The following ADCY10 variants were observed in gnomAD, a reference collection of about 807,000 sequenced individuals.
ADCY10 encodes adenylate cyclase 10, also known as adenylate cyclase type 10.
ADCY10 carries 156 observed loss-of-function variants against 183.3 expected under a neutral mutation model. The ratio of observed to expected loss-of-function variants is 0.85; its 90% CI spans 0.75 to 0.97. ADCY10 has a LOEUF of 0.97. Ranked by LOEUF, ADCY10 falls within the 50% of genes least tolerant of loss-of-function variation. The probability of loss-of-function intolerance (pLI) is 0.00; values close to 1 mark genes in which losing one functional copy is unlikely to be tolerated. For synonymous variants in ADCY10, 645 were observed against 670.0 expected (o/e 0.96, Z 0.58); for missense variants, 1,745 against 1,934.3 (o/e 0.90, Z 1.84).
intron 1 of ADCY10, among the ~76,000 whole-genome samples, chr1:167,907,999 T>C (rs979582664): frequency 1.1e-4 from 17 of 152,186 alleles, no homozygotes; most frequent in African/African-American, 3.9e-4. Context: ...TGGAAAATAA[T>C]ATGCAGGTTC....
intron 1 of ADCY10, among the ~76,000 whole-genome samples, chr1:167,908,186 A>C (rs1205558273): frequency 6.6e-6 from 1 of 152,246 alleles, no homozygotes; most frequent in African/African-American, 2.4e-5. Context: ...TAAAGAAAAC[A>C]TTGGATAATG....
intron 23 of ADCY10, among the ~76,000 whole-genome samples, chr1:167,834,901 A>G (rs2101911530): frequency 6.6e-6 from 1 of 152,348 alleles, no homozygotes; most frequent in East Asian, 1.9e-4. Context: ...GGGCTACCTA[A>G]GCCTCCTCCT....
intron 26 of ADCY10, among the ~76,000 whole-genome samples, chr1:167,826,324 A>C (rs951309212): frequency 2.0e-5 from 3 of 152,236 alleles, no homozygotes; most frequent in African/African-American, 7.2e-5. Flanking sequence ...CAACTGCTTC[A>C]CTTTACAGAG....
chr1:167,880,277 G>C (rs765729329), intron 10 of ADCY10, 86 bp from the exon 11 acceptor site: 168 of 1,276,838 alleles, frequency 1.3e-4, no homozygotes, highest in Middle Eastern at 1.9e-4. Context: ...ATAATGTCTG[G>C]GTTGGGAAAG....
chr1:167,870,505 T>C, intron 13 of ADCY10, 95 bp from the exon 14 acceptor site: 1 of 1,162,028 alleles, frequency 8.6e-7, no homozygotes, highest in Non-Finnish European at 1.2e-6. Context: ...TCTAAAAATA[T>C]CCTTGGGCCA....
chr1:167,826,390 G>A (rs939695187), intron 26 of ADCY10, among the ~76,000 whole-genome samples: 2 of 152,300 alleles, frequency 1.3e-5, no homozygotes, highest in Admixed American at 6.5e-5. Context: ...GCAGATAGGC[G>A]GAGTCCTGGA....
chr1:167,851,368 G>A lies in ADCY10; in HGVS notation c.2309-2879C>T, dbSNP rs559371369. Among the ~76,000 whole-genome samples the A allele has an allele frequency of 1.3e-4, 20 of 152,034 alleles. No individual in the cohort carries two copies. The South Asian group carries it at 3.9e-3, about 30-fold the overall frequency. The stretch of plus-strand genomic sequence containing the variant: ...CACCCGGCTAATTTTTGTATTTTTA[G>A]TAGAGATGGGGTTTTGTCATGTTGC... On this transcript the variant is annotated intron_variant, in intron 18 of 32. Transcript: ENST00000367851.
rs1664286611 is a variant in ADCY10 at position 167,837,300 on chromosome 1, A to G, written c.3026T>C (p.Leu1009Ser). Residue 1009 changes from leucine (L) to serine (S), a missense_variant, in exon 22 of 33, where the codon TTG (leucine) becomes TCG (serine). Coordinates refer to ENST00000367851, the MANE Select transcript of ADCY10 (RefSeq NM_018417.6). ...TGTCTCAGGAATCTCTGAGTTGGAC[A>G]AGATAAGCTTTTCTTCAGCTAGAAA... is the stretch of plus-strand genomic sequence containing the variant. Reference protein sequence around the residue: ...HGFKTEEKLILSNSEIPETSA... With the variant: ...HGFKTEEKLISSNSEIPETSA... 1.2e-6 allele frequency: 2 copies of G among 1,614,110 alleles called. No individual in the cohort carries two copies. Among genetic ancestry groups the G allele is most frequent in the Non-Finnish European group, 1.7e-6 (2 of 1,179,932 alleles).
intron 23 of ADCY10, among the ~76,000 whole-genome samples, chr1:167,835,440 C>T (rs1043699992): frequency 6.6e-6 from 1 of 152,212 alleles, no homozygotes; most frequent in Admixed American, 6.5e-5. Context: ...ATCAAATCCC[C>T]TCATTTCTAT....
At chr1:167,904,082 CTTTTT>C (rs879025060) in intron 2 of ADCY10, 91 bp from the exon 3 acceptor site, 680 of 362,104 alleles carry the variant, frequency 1.9e-3, no homozygotes, top group East Asian at 2.2e-3. Flanking sequence ...CGGGCCTCAG[CTTTTT>C]TTTTTTTTTT....
chr1:167,895,637 T>C (rs1426938773), intron 7 of ADCY10, among the ~76,000 whole-genome samples: 1 of 152,164 alleles, frequency 6.6e-6, no homozygotes, highest in Non-Finnish European at 1.5e-5. Flanking sequence ...TTTTTATGAA[T>C]TCAGGACAAA....
In ADCY10 at chr1:167,856,224, G is replaced by A. The variant is rs1665878838; in HGVS notation, c.2112C>T (p.Asp704=). Residue 704 remains aspartate (D), a synonymous_variant, in exon 17 of 33, where the codon GAC becomes GAT. Transcript: ENST00000367851. ...GGTCAAGACAGATCTTGTTGGAGAT[G>A]TCGTTAGGCTGTACTGCACCAATGA... The part of the protein sequence containing the change: ...YIVIGAVQPN[D]ISNKICLDLN... The A allele has an allele frequency of 6.2e-7, 1 of 1,613,908 alleles. No individual in the cohort carries two copies. Among genetic ancestry groups the A allele is most frequent in the Non-Finnish European group, 8.5e-7 (1 of 1,179,858 alleles).
chr1:167,827,719 A>AT (rs907113114), intron 26 of ADCY10, among the ~76,000 whole-genome samples: 4 of 107,136 alleles, frequency 3.7e-5, no homozygotes, highest in Non-Finnish European at 5.9e-5. Flanking sequence ...AAAAAAAAAA[A>AT]TTTTTTTTTT....
Position 167,902,993 on chromosome 1 carries a change from G to A in ADCY10, c.253+894C>T, listed in dbSNP as rs146402338. On this transcript the variant is annotated intron_variant, in intron 3 of 32. Transcript: ENST00000367851. ...GGATAGGCCAGGCATGGTGGCTTACGCCTATAATCCCAGCACTTTGGGAGG... is the reference window on the plus strand; with the variant it reads ...GGATAGGCCAGGCATGGTGGCTTACACCTATAATCCCAGCACTTTGGGAGG... 4.3e-3 allele frequency among the ~76,000 whole-genome samples: 660 copies of A among 152,320 alleles called. 3 individuals are homozygous for A. Among genetic ancestry groups the A allele is most frequent in the African/African-American group, 0.014 (585 of 41,562 alleles).
chr1:167,826,889 A>T (rs1267362288), intron 26 of ADCY10, among the ~76,000 whole-genome samples: 1 of 152,180 alleles, frequency 6.6e-6, no homozygotes, highest in South Asian at 2.1e-4. Context: ...TGTTTGAGGA[A>T]CCAAAAGAGG....
At chr1:167,873,110 T>C (rs1667220837) in intron 13 of ADCY10, among the ~76,000 whole-genome samples, 1 of 152,058 alleles carries the variant, frequency 6.6e-6, no homozygotes, top group African/African-American at 2.4e-5. Flanking sequence ...TGTGTTCTAA[T>C]GTGACTGTCA....
intron 18 of ADCY10, among the ~76,000 whole-genome samples, chr1:167,853,348 A>G (rs1288000889): frequency 1.3e-5 from 2 of 152,082 alleles, no homozygotes; most frequent in Non-Finnish European, 2.9e-5. Flanking sequence ...TGTAAAACAA[A>G]CAGAAGATGA....
chr1:167,847,012 G>A (rs753969526), intron 19 of ADCY10, among the ~76,000 whole-genome samples: 4 of 150,810 alleles, frequency 2.7e-5, no homozygotes, highest in African/African-American at 7.3e-5. Flanking sequence ...TGCAACCTCC[G>A]CCTCCTGGGT....
intron 31 of ADCY10, among the ~76,000 whole-genome samples, chr1:167,816,535 G>GTTTTTTT (rs1662540401): frequency 6.6e-6 from 1 of 152,044 alleles, no homozygotes; most frequent in Admixed American, 6.6e-5. Context: ...GACAGAGTGA[G>GTTTTTTT]ACTCCATTTC....
Sources: allele counts gnomAD v4.1 joint callset (sites outside exome capture counted in the v4.1 genomes callset), GRCh38; gene constraint gnomAD v4.1.1; transcripts MANE v1.5; gene names NCBI Gene and HGNC (gene_info 2026-07-23, HGNC 2026-07-21).